The following USP24 variants were observed in gnomAD, a reference collection of about 807,000 sequenced individuals.
USP24 encodes ubiquitin specific peptidase 24.
A neutral mutation model predicts 361.6 loss-of-function variants in USP24; 97 were observed. That is an observed-to-expected ratio of 0.27 (90% confidence interval 0.23 to 0.32). The LOEUF is 0.32. Among genes scored for constraint, USP24 ranks in the 10% least tolerant of loss-of-function variants. The pLI, the probability that USP24 is intolerant of heterozygous loss-of-function variation, is 1.00. For missense variants in USP24, 2,353 were observed against 3,165.6 expected (o/e 0.74, Z 6.16); for synonymous variants, 1,098 against 1,124.6 (o/e 0.98, Z 0.47).
At chr1:55,135,428 G>A (rs796272532) in intron 28 of USP24, among the ~76,000 whole-genome samples, 16 of 152,278 alleles carry the variant, frequency 1.1e-4, no homozygotes, top group African/African-American at 3.9e-4. Context: ...TTCCATGCCT[G>A]ACCTCATGTA....
chr1:55,104,878 CA>C (rs1421668677), intron 41 of USP24, among the ~76,000 whole-genome samples: 2 of 152,192 alleles, frequency 1.3e-5, no homozygotes, highest in East Asian at 3.8e-4. Flanking sequence ...GCCATTTACA[CA>C]GGCTAAACAC....
At chr1:55,111,071 T>C (rs185744468) in intron 38 of USP24, among the ~76,000 whole-genome samples, 3 of 152,190 alleles carry the variant, frequency 2.0e-5, no homozygotes, top group Non-Finnish European at 4.4e-5. Flanking sequence ...ATAAGCAGTT[T>C]AGTATGCTGT....
At chr1:55,209,361 C>T (rs1644795123) in intron 1 of USP24, among the ~76,000 whole-genome samples, 1 of 152,118 alleles carries the variant, frequency 6.6e-6, no homozygotes, top group Non-Finnish European at 1.5e-5. Context: ...TTGACTGTGA[C>T]ATCATTGAAA....
At chr1:55,144,436 GA>G (rs1373716795) in intron 20 of USP24, among the ~76,000 whole-genome samples, 1 of 152,102 alleles carries the variant, frequency 6.6e-6, no homozygotes, top group African/African-American at 2.4e-5. Flanking sequence ...CATAATGGAA[GA>G]AAATACTTGC....
chr1:55,082,457 A>G (rs953303915), intron 58 of USP24, among the ~76,000 whole-genome samples: 1 of 152,244 alleles, frequency 6.6e-6, no homozygotes, highest in African/African-American at 2.4e-5. Flanking sequence ...AAGAAATACG[A>G]TGGATGGGAG....
intron 53 of USP24, among the ~76,000 whole-genome samples, chr1:55,092,584 G>T (rs191151732): frequency 6.6e-5 from 10 of 152,248 alleles, no homozygotes; most frequent in Non-Finnish European, 1.2e-4. Context: ...ATCTAAACAA[G>T]GGCACTTTAG....
intron 1 of USP24, among the ~76,000 whole-genome samples, chr1:55,194,802 G>A (rs1569735235): frequency 6.6e-6 from 1 of 152,038 alleles, no homozygotes; most frequent in South Asian, 2.1e-4. Flanking sequence ...CCCCGGAACT[G>A]TGTCCTCGTC....
chr1:55,186,382 TA>T (rs1158835822), intron 1 of USP24, among the ~76,000 whole-genome samples: 1 of 152,150 alleles, frequency 6.6e-6, no homozygotes, highest in Non-Finnish European at 1.5e-5. Context: ...CTCAAAAACT[TA>T]AATGGAACTA....
chr1:55,133,994 G>T, intron 30 of USP24, 76 bp downstream of exon 30: 2 of 1,261,562 alleles, frequency 1.6e-6, no homozygotes, highest in Non-Finnish European at 2.3e-6. Flanking sequence ...ATATGACCTT[G>T]ATGTGATTTC....
At chr1:55,167,263 G>A (rs1021651944) in intron 5 of USP24, among the ~76,000 whole-genome samples, 3 of 152,292 alleles carry the variant, frequency 2.0e-5, no homozygotes, top group Admixed American at 2.0e-4. Context: ...TGGTGGTCAT[G>A]AAAGACTTCT....
At chr1:55,209,792 G>A (rs565324228) in intron 1 of USP24, among the ~76,000 whole-genome samples, 11 of 152,040 alleles carry the variant, frequency 7.2e-5, no homozygotes, top group Non-Finnish European at 1.5e-4. Flanking sequence ...TCCATATAAG[G>A]AAAATTTCCA....
chr1:55,081,451 G>A, intron 58 of USP24, 27 bp from the exon 59 acceptor site: 2 of 1,600,816 alleles, frequency 1.2e-6, no homozygotes, highest in Non-Finnish European at 1.7e-6. Context: ...TAAAGTGGCT[G>A]TTAGTGTTGT....
intron 1 of USP24, among the ~76,000 whole-genome samples, chr1:55,185,626 T>C (rs1358625016): frequency 6.6e-6 from 1 of 152,188 alleles, no homozygotes; most frequent in African/African-American, 2.4e-5. Flanking sequence ...AAAGGCACAA[T>C]CATGGCTGAC....
At position 55,098,495 on chromosome 1, in the gene USP24, A is replaced by T; in HGVS notation, c.5434T>A (p.Cys1812Ser). 1 of 1,612,840 alleles carries T rather than the reference A, an allele frequency of 6.2e-7. No individual in the cohort carries two copies. The highest frequency in any genetic ancestry group is 8.5e-7 in the Non-Finnish European group (1 of 1,179,290). ...ACTCACCTGTGAGGACAGTCTTTAC[A>T]GATCTTCTGATCAGAGTAGATGCCC... The part of the protein sequence containing the change: ...FQGIYSDQKI[C>S]KDCPHRYERE... The change falls in exon 46 of 68, where the codon TGT (cysteine) becomes AGT (serine). Residue 1812 changes from cysteine (C) to serine (S), a missense_variant. Coordinates refer to ENST00000294383, the MANE Select transcript of USP24 (RefSeq NM_015306.3).
chr1:55,091,881 T>C (rs1240415997), intron 54 of USP24, 142 bp downstream of exon 54: 1 of 607,702 alleles, frequency 1.6e-6, no homozygotes, highest in Non-Finnish European at 2.8e-6. Context: ...GTTAGAAGTT[T>C]CTTAAAGCTA....
chr1:55,106,001 C>G (rs1214586359), intron 41 of USP24, 145 bp downstream of exon 41: 16 of 715,596 alleles, frequency 2.2e-5, no homozygotes, highest in Non-Finnish European at 2.0e-5. Context: ...TAAGCCGCTT[C>G]ATGTGCATTT....
chr1:55,144,170 A>C lies in USP24; in HGVS notation c.2396T>G (p.Val799Gly). 7 of 1,607,346 alleles carry C rather than the reference A, an allele frequency of 4.4e-6. No homozygotes were observed. The highest frequency in any genetic ancestry group is 5.9e-6 in the Non-Finnish European group (7 of 1,177,388). The part of the protein sequence containing the change: ...FNLFKTFFEN[V>G]NLCDHRLKRQ... ...TTTCAATCGATGATCACAAAGATTC[A>C]CATTTTCAAAAAAAGTTTTAAATAA... The change falls in exon 21 of 68, where the codon GTG becomes GGG. Residue 799 changes from valine to glycine, a missense_variant. Physicochemically the swap from Val to Gly is moderately radical, Grantham distance 109. Coordinates refer to ENST00000294383, the MANE Select transcript of USP24 (RefSeq NM_015306.3).
intron 38 of USP24, among the ~76,000 whole-genome samples, chr1:55,117,581 A>T (rs1018093782): frequency 1.5e-4 from 22 of 147,664 alleles, no homozygotes; most frequent in African/African-American, 5.5e-4. Context: ...ACAAAAAATT[A>T]GCCGGGCGCG....
intron 9 of USP24, among the ~76,000 whole-genome samples, chr1:55,159,329 A>G (rs1330476585): frequency 6.6e-6 from 1 of 152,232 alleles, no homozygotes. Context: ...TATTATTTTA[A>G]AACTTTCTCT....
Sources: gnomAD v4.1 joint callset for allele counts (sites outside exome capture counted in the v4.1 genomes callset) on GRCh38, gnomAD v4.1.1 for gene constraint, MANE v1.5 for transcripts, NCBI Gene and HGNC (gene_info 2026-07-23, HGNC 2026-07-21) for gene names.